The following SLC9D1 variants were observed in gnomAD, a reference collection of about 807,000 sequenced individuals.
The protein encoded by SLC9D1 is solute carrier family 9 member D1.
chr13:113,539,244 C>A, the SLC9D1 span: 1 of 997,576 alleles, frequency 1.0e-6, no homozygotes, highest in Non-Finnish European at 1.5e-6. The surrounding 1 kb of genome is among the most constrained non-coding windows in gnomAD (Gnocchi z 4.8). Context: ...TCTGTTTGTG[C>A]AGCTTCTGTG....
the SLC9D1 span, among the ~76,000 whole-genome samples, chr13:113,521,646 A>G: frequency 5.3e-5 from 8 of 152,206 alleles, no homozygotes; most frequent in Non-Finnish European, 8.8e-5. Context: ...CATTCTCCCA[A>G]TATCGTATTG....
At chr13:113,501,240 G>C in the SLC9D1 span, among the ~76,000 whole-genome samples, 1 of 152,188 alleles carries the variant, frequency 6.6e-6, no homozygotes, top group Admixed American at 6.5e-5. Flanking sequence ...CTGTGTCCAC[G>C]TGCTCTGCAT....
chr13:113,500,777 G>A, the SLC9D1 span, among the ~76,000 whole-genome samples: 227 of 152,302 alleles, frequency 1.5e-3, 1 homozygote, highest in African/African-American at 5.0e-3. Context: ...TACAGGAGCA[G>A]AAACCAAGCC....
At chr13:113,520,523 G>T in the SLC9D1 span, 33 of 682,164 alleles carry the variant, frequency 4.8e-5, no homozygotes, top group Non-Finnish European at 5.5e-5. Context: ...AAAATAATTT[G>T]AGTTATTTTG....
chr13:113,515,246 G>C, the SLC9D1 span, among the ~76,000 whole-genome samples: 1 of 152,302 alleles, frequency 6.6e-6, no homozygotes, highest in African/African-American at 2.4e-5. Context: ...TCAGTAACAT[G>C]CTGGACAGTT....
chr13:113,522,756 C>T, the SLC9D1 span, among the ~76,000 whole-genome samples: 14 of 152,142 alleles, frequency 9.2e-5, no homozygotes, highest in South Asian at 2.1e-4. Context: ...CCCAGCCTTC[C>T]GAGCAGCTGG....
chr13:113,508,487 A>T, the SLC9D1 span, among the ~76,000 whole-genome samples: 1 of 152,070 alleles, frequency 6.6e-6, no homozygotes, highest in Non-Finnish European at 1.5e-5. Flanking sequence ...TAACCATCAC[A>T]ATTGCCAAGC....
chr13:113,505,224 A>C, the SLC9D1 span: 4 of 152,016 alleles, frequency 2.6e-5, no homozygotes, highest in African/African-American at 9.7e-5. Context: ...GGATGTATAG[A>C]TTGTGGAGAT....
At chr13:113,495,916 A>T in the SLC9D1 span, 1 of 1,614,206 alleles carries the variant, frequency 6.2e-7, no homozygotes, top group Non-Finnish European at 8.5e-7. Context: ...TCCGTTTTCC[A>T]AGCTGTCTAC....
At chr13:113,495,354 GAAAT>G in the SLC9D1 span, 2 of 473,806 alleles carry the variant, frequency 4.2e-6, no homozygotes, top group Non-Finnish European at 7.4e-6. Flanking sequence ...TAATCTCAGT[GAAAT>G]AAATAGTTTA....
chr13:113,502,720 G>A, the SLC9D1 span, among the ~76,000 whole-genome samples: 1 of 152,186 alleles, frequency 6.6e-6, no homozygotes, highest in African/African-American at 2.4e-5. Flanking sequence ...TGGGTGCCAT[G>A]AGTCCCACTG....
At chr13:113,501,512 A>C in the SLC9D1 span, among the ~76,000 whole-genome samples, 4 of 152,164 alleles carry the variant, frequency 2.6e-5, no homozygotes, top group African/African-American at 9.7e-5. Flanking sequence ...AAAGATACCG[A>C]GGGGTGACTG....
the SLC9D1 span, chr13:113,549,502 G>C: frequency 1.9e-6 from 3 of 1,614,138 alleles, no homozygotes; most frequent in Non-Finnish European, 2.5e-6. Flanking sequence ...CAATCACGAG[G>C]TGTGTGCCCA....
At chr13:113,494,491 G>A in the SLC9D1 span, among the ~76,000 whole-genome samples, 13 of 152,064 alleles carry the variant, frequency 8.5e-5, no homozygotes, top group African/African-American at 2.9e-4. Context: ...CACTGAAACC[G>A]TCCTCATTCC....
the SLC9D1 span, among the ~76,000 whole-genome samples, chr13:113,537,396 G>T: frequency 6.6e-6 from 1 of 152,216 alleles, no homozygotes; most frequent in Admixed American, 6.5e-5. Context: ...GCCGTGTCGC[G>T]TGGCGGCTTC....
the SLC9D1 span, among the ~76,000 whole-genome samples, chr13:113,508,366 C>T: frequency 6.6e-6 from 1 of 152,238 alleles, no homozygotes; most frequent in Non-Finnish European, 1.5e-5. Flanking sequence ...CAGGAGTAAC[C>T]CCCACGCCCG....
the SLC9D1 span, among the ~76,000 whole-genome samples, chr13:113,521,420 A>G: frequency 6.8e-6 from 1 of 146,372 alleles, no homozygotes; most frequent in Non-Finnish European, 1.5e-5. Context: ...ATCTGCATGC[A>G]TGTGTGGTGT....
At chr13:113,517,611 G>A in the SLC9D1 span, among the ~76,000 whole-genome samples, 1 of 152,160 alleles carries the variant, frequency 6.6e-6, no homozygotes, top group Non-Finnish European at 1.5e-5. Flanking sequence ...ATGAATCAGA[G>A]CTTTGTGCAT....
At chr13:113,536,622 G>A in the SLC9D1 span, 10 of 980,372 alleles carry the variant, frequency 1.0e-5, no homozygotes, top group East Asian at 1.1e-4. Flanking sequence ...GACTCTGCCC[G>A]GCTCTCAGGT....
Sources: gnomAD v4.1 joint callset for allele counts (sites outside exome capture counted in the v4.1 genomes callset) on GRCh38, gnomAD v4.1.1 for gene constraint, Gnocchi (gnomAD v3.1) non-coding constraint, MANE v1.5 for transcripts, NCBI Gene and HGNC (gene_info 2026-07-23, HGNC 2026-07-21) for gene names.